The following ZNF347 variants were observed in gnomAD, a reference collection of about 807,000 sequenced individuals.
The protein encoded by ZNF347 is zinc finger protein 347, also known as CTD-2620I22.7.
Under a neutral mutation model 12.9 loss-of-function variants are expected in ZNF347, and 19 were observed. The observed-to-expected ratio is 1.47, with a 90% CI of 1.03 to 2.16. The LOEUF is 2.16. Among genes scored for constraint, ZNF347 ranks in the 30% most tolerant of loss-of-function variants. The probability of loss-of-function intolerance (pLI) is 0.00; values close to 1 mark genes in which losing one functional copy is unlikely to be tolerated. For synonymous variants in ZNF347, 328 were observed against 340.6 expected (o/e 0.96, Z 0.41); for missense variants, 1,005 against 990.6 (o/e 1.01, Z -0.19).
At chr19:53,151,666 C>T (rs1013736581) in intron 2 of ZNF347, among the ~76,000 whole-genome samples, 4 of 151,932 alleles carry the variant, frequency 2.6e-5, no homozygotes, top group Non-Finnish European at 5.9e-5. Flanking sequence ...TATATACACA[C>T]ATCTATTTAT....
chr19:53,136,832 A>G lies in ZNF347; in HGVS notation c.*3476T>C, dbSNP rs2090390271. 1 of 152,230 alleles carries G rather than the reference A, an allele frequency of 6.6e-6. No individual in the cohort carries two copies. The highest frequency in any genetic ancestry group is 1.5e-5 in the Non-Finnish European group (1 of 68,036). 9.4% of individuals were successfully genotyped at this position (152,230 alleles called of 1,614,324 possible). A position where few individuals can be genotyped will look rare whatever the true frequency, so the allele number is the denominator to read the frequency against. The stretch of plus-strand genomic sequence containing the variant: ...GGGCCCTATGGGTTCAGCAGAAAGG[A>G]AGAGTATTATCTACTATTATGAAGA... On this transcript the variant is annotated 3_prime_UTR_variant, in exon 5 of 5. Coordinates refer to ENST00000334197, the MANE Select transcript of ZNF347 (RefSeq NM_032584.3).
At chr19:53,149,193 A>G in intron 3 of ZNF347, 48 bp downstream of exon 3, 1 of 1,598,248 alleles carries the variant, frequency 6.3e-7, no homozygotes. Flanking sequence ...GGAAAATGAA[A>G]AGATACACAG....
At position 53,141,008 on chromosome 19, in the gene ZNF347, C is replaced by G; in HGVS notation, c.1820G>C (p.Arg607Thr). ...YKCNECGKVF[R>T]HNSYLSRHQR... ...ATGCCTTGAAAGGTATGAATTATGC[C>G]TAAAGACCTTGCCACATTCATTACA... Residue 607 changes from arginine to threonine, a missense_variant, in exon 5 of 5, where the codon AGG (arginine) becomes ACG (threonine). Transcript: ENST00000334197. 1 of 1,613,476 alleles carries G rather than the reference C, an allele frequency of 6.2e-7. No individual in the cohort carries two copies. Among genetic ancestry groups the G allele is most frequent in the Non-Finnish European group, 8.5e-7 (1 of 1,179,938 alleles).
Position 53,141,969 on chromosome 19 carries a change from T to C in ZNF347, c.859A>G (p.Lys287Glu), listed in dbSNP as rs758113619. The C allele has an allele frequency of 6.2e-7, 1 of 1,614,144 alleles. No individual in the cohort carries two copies. Among genetic ancestry groups the C allele is most frequent in the East Asian group, 2.2e-5 (1 of 44,882 alleles). Residue 287 changes from lysine to glutamate, a missense_variant, in exon 5 of 5, where the codon AAA (lysine) becomes GAA (glutamate). By Grantham distance (56) the Lys-to-Glu change is moderately conservative. Coordinates refer to ENST00000334197, the MANE Select transcript of ZNF347 (RefSeq NM_032584.3). ...CCACACTCATAACATTTGTAAGGTT[T>C]CTCTTTAGTATGACTTCTCTGATGA... is the stretch of plus-strand genomic sequence containing the variant. ...ASHQRSHTKE[K>E]PYKCYECGKA...
rs1491283465 is a variant in ZNF347 at position 53,155,334 on chromosome 19, GTT to G, written c.-46-1543_-46-1542del. Reference sequence around the variant, plus strand: ...TGTGTGTGTGTGTGTGTGTGTGTGTGTTTGTTTTTTGTTTTTGAGACAGGGTC... The same window carrying G: ...TGTGTGTGTGTGTGTGTGTGTGTGTGTGTTTTTTGTTTTTGAGACAGGGTC... On this transcript the variant is annotated intron_variant, in intron 1 of 4. Transcript: ENST00000334197. 4.0e-4 allele frequency among the ~76,000 whole-genome samples: 52 copies of G among 129,418 alleles called. No individual in the cohort carries two copies. In the South Asian group the frequency reaches 5.3e-3, roughly 13 times the overall value. The allele number at this position is 129,418 out of a possible 152,430, so 84.9% of individuals were successfully genotyped here.
At chr19:53,146,631 G>A (rs945839800) in intron 4 of ZNF347, among the ~76,000 whole-genome samples, 1 of 152,024 alleles carries the variant, frequency 6.6e-6, no homozygotes, top group Non-Finnish European at 1.5e-5. Flanking sequence ...TAGCTAAACT[G>A]AAATAAAAGG....
In ZNF347 at chr19:53,140,978, C is replaced by T. The variant is rs775214098; in HGVS notation, c.1850G>A (p.Arg617Gln). Residue 617 changes from arginine to glutamine, a missense_variant, in exon 5 of 5, where the codon CGA becomes CAA. Physicochemically the swap from Arg to Gln is conservative, Grantham distance 43. Transcript: ENST00000334197. Reference sequence around the variant, plus strand: ...GTAAGGTTTCTCTCCAGTATGAATTCGCTGATGCCTTGAAAGGTATGAATT... The same window carrying T: ...GTAAGGTTTCTCTCCAGTATGAATTTGCTGATGCCTTGAAAGGTATGAATT... ...RHNSYLSRHQ[R>Q]IHTGEKPYKY... The T allele has an allele frequency of 8.1e-6, 13 of 1,613,126 alleles. No individual in the cohort carries two copies. The highest frequency in any genetic ancestry group is 5.0e-5 in the Admixed American group (3 of 59,856).
In ZNF347 at chr19:53,140,430, T is replaced by C. The variant is rs745337131; in HGVS notation, c.2398A>G (p.Ser800Gly). The stretch of plus-strand genomic sequence containing the variant: ...TGGGTAGTTAGGCTTGAACAGATAC[T>C]AAAGGGTTTCCCACACTCATATGGT... ...EKPYECGKPF[S>G]ICSSLTTHQT... The change falls in exon 5 of 5, where the codon AGT becomes GGT. Residue 800 changes from serine to glycine, a missense_variant. Physicochemically the swap from Ser to Gly is moderately conservative, Grantham distance 56 (BLOSUM62 0). Transcript: ENST00000334197. 1 of 1,614,016 alleles carries C rather than the reference T, an allele frequency of 6.2e-7. No individual in the cohort carries two copies.
chr19:53,158,574 C>G (rs2090550926), intron 1 of ZNF347: 1 of 152,256 alleles, frequency 6.6e-6, no homozygotes, highest in Non-Finnish European at 1.5e-5. Flanking sequence ...CGCGAGTCAG[C>G]TGGGGTGGAG....
chr19:53,147,822 A>C (rs1236549757), intron 4 of ZNF347, among the ~76,000 whole-genome samples: 1 of 152,214 alleles, frequency 6.6e-6, no homozygotes, highest in Non-Finnish European at 1.5e-5. Flanking sequence ...ACCATGATCA[A>C]GTGGGATCTA....
rs751761867 is a variant in ZNF347 at position 53,149,291 on chromosome 19, G to C, written c.92C>G (p.Thr31Ser). The C allele has an allele frequency of 1.9e-6, 3 of 1,613,982 alleles. No homozygotes were observed. Among genetic ancestry groups the C allele is most frequent in the East Asian group, 2.2e-5 (1 of 44,868 alleles). Residue 31 changes from threonine (T) to serine (S), a missense_variant, in exon 3 of 5, where the codon ACT (threonine) becomes AGT (serine). Coordinates refer to ENST00000334197, the MANE Select transcript of ZNF347 (RefSeq NM_032584.3). ...CTCCAACATCACGTCCCTGTACAAA[G>C]TCCTCTGAGCGGGGTCCAGGCATGT... Reference protein sequence around the residue: ...EWTCLDPAQRTLYRDVMLENY... With the variant: ...EWTCLDPAQRSLYRDVMLENY...
At chr19:53,157,149 A>C (rs1378489378) in intron 1 of ZNF347, among the ~76,000 whole-genome samples, 2 of 152,204 alleles carry the variant, frequency 1.3e-5, no homozygotes, top group Non-Finnish European at 2.9e-5. Context: ...TTGCAAATGA[A>C]GCTATACCCT....
chr19:53,141,515 A>G lies in ZNF347; in HGVS notation c.1313T>C (p.Phe438Ser), dbSNP rs561836885. Residue 438 changes from phenylalanine to serine, a missense_variant, in exon 5 of 5, where the codon TTT becomes TCT. By Grantham distance (155) the Phe-to-Ser change is radical. Transcript: ENST00000334197. ...AATAGCTAGGCTTGAACGAACACCA[A>G]AGGCTTTGCCGCACTCATTACACTT... ...PYKCNECGKA[F>S]GVRSSLAIHL... 1.2e-6 allele frequency: 2 copies of G among 1,614,002 alleles called. No individual in the cohort carries two copies. The highest frequency in any genetic ancestry group is 2.2e-5 in the East Asian group (1 of 44,854).
intron 4 of ZNF347, among the ~76,000 whole-genome samples, chr19:53,146,505 G>A (rs994052358): frequency 6.6e-5 from 10 of 151,948 alleles, no homozygotes; most frequent in African/African-American, 2.2e-4. Context: ...TGAACTCCCC[G>A]CCTCAAGCAA....
chr19:53,142,549 A>G lies in ZNF347; in HGVS notation c.279T>C (p.Ser93=). The G allele has an allele frequency of 6.3e-7, 1 of 1,581,904 alleles. No individual in the cohort carries two copies. Among genetic ancestry groups the G allele is most frequent in the Non-Finnish European group, 8.6e-7 (1 of 1,165,306 alleles). ...GTAAATCTTTCATTACAAATTCGGA[A>G]GAGAGAGCTACAAGATATAAAGATC... The part of the protein sequence containing the change: ...EWIKAVITAL[S]SEFVMKDLLH... The change falls in exon 5 of 5, where the codon TCT becomes TCC. Residue 93 remains serine, a synonymous_variant. Coordinates refer to ENST00000334197, the MANE Select transcript of ZNF347 (RefSeq NM_032584.3).
chr19:53,146,313 C>T (rs1009981432), intron 4 of ZNF347, among the ~76,000 whole-genome samples: 2 of 151,834 alleles, frequency 1.3e-5, no homozygotes, highest in Non-Finnish European at 2.9e-5. Context: ...CTATCTCTCT[C>T]ACACAGGCTG....
chr19:53,157,837 G>C (rs1265639579), intron 1 of ZNF347, among the ~76,000 whole-genome samples: 1 of 152,034 alleles, frequency 6.6e-6, no homozygotes, highest in Non-Finnish European at 1.5e-5. Flanking sequence ...CCACTTTCTG[G>C]CCCTCTCCCT....
At chr19:53,149,602 G>A (rs536160826) in intron 2 of ZNF347, 8 of 699,184 alleles carry the variant, frequency 1.1e-5, no homozygotes, top group Non-Finnish European at 1.4e-5. Context: ...GAGGCCCCAA[G>A]ATAGTTTCAG....
chr19:53,148,624 G>C lies in ZNF347; in HGVS notation c.271+57C>G, dbSNP rs565674452. 2.9e-5 allele frequency: 45 copies of C among 1,546,890 alleles called. No individual in the cohort carries two copies. The African/African-American group carries it at 5.8e-4, about 20-fold the overall frequency. ...CCCACAGAACTCTCAGATTTGCATAGAGTTTCCCAAACACTATTTAATAAA... is the reference window on the plus strand; with the variant it reads ...CCCACAGAACTCTCAGATTTGCATACAGTTTCCCAAACACTATTTAATAAA... On this transcript the variant is annotated intron_variant, in intron 4 of 4. Coordinates refer to ENST00000334197, the MANE Select transcript of ZNF347 (RefSeq NM_032584.3).
Sources: allele counts gnomAD v4.1 joint callset (sites outside exome capture counted in the v4.1 genomes callset), GRCh38; gene constraint gnomAD v4.1.1; transcripts MANE v1.5; gene names NCBI Gene and HGNC (gene_info 2026-07-23, HGNC 2026-07-21).